Variants in RORB observed in about 807,000 individuals in gnomAD.
The protein encoded by RORB is nuclear receptor ROR-beta.
In RORB, 6 loss-of-function variants were observed where a neutral mutation model predicts 59.1. The ratio of observed to expected loss-of-function variants is 0.10; its 90% CI spans 0.06 to 0.20. The LOEUF is 0.20. Among genes scored for constraint, RORB ranks in the 10% least tolerant of loss-of-function variants. RORB has a pLI of 1.00. For synonymous variants in RORB, 215 were observed against 204.5 expected (o/e 1.05, Z -0.44); for missense variants, 320 against 560.5 (o/e 0.57, Z 4.33).
Position 74,510,156 on chromosome 9 carries a change from T to C in RORB, c.7+12173T>C, listed in dbSNP as rs190080243. Among the ~76,000 whole-genome samples the C allele has an allele frequency of 4.1e-3, 623 of 152,222 alleles. 2 individuals carry two copies. Among genetic ancestry groups the C allele is most frequent in the Admixed American group, 6.7e-3 (102 of 15,274 alleles). Reference sequence around the variant, plus strand: ...CTTCATTTATTCTGCAGGACTCCAATTGATCGTATTATAGAATGGTCCTGA... The same window carrying C: ...CTTCATTTATTCTGCAGGACTCCAACTGATCGTATTATAGAATGGTCCTGA... On this transcript the variant is annotated intron_variant, in intron 1 of 9. Coordinates refer to ENST00000376896, the MANE Select transcript of RORB (RefSeq NM_006914.4).
rs533570655 is a variant in RORB, at chr9:74,608,541, G to T, written c.8-21741G>T. On this transcript the variant is annotated intron_variant, in intron 1 of 9. Transcript: ENST00000376896. ...ATCGCGCCACTGCACTCCAGCCTGG[G>T]CAACAGAGTGAGACTCCGTCTCAAA... is the stretch of plus-strand genomic sequence containing the variant. Among the ~76,000 whole-genome samples the T allele has an allele frequency of 3.9e-4, 54 of 137,562 alleles. 1 individual carries two copies. Among genetic ancestry groups the T allele is most frequent in the African/African-American group, 1.4e-3 (51 of 36,912 alleles). The allele number at this position is 137,562 out of a possible 152,430, so 90.2% of individuals were successfully genotyped here. A position where few individuals can be genotyped will look rare whatever the true frequency, so the allele number is the denominator to read the frequency against.
intron 1 of RORB, among the ~76,000 whole-genome samples, chr9:74,619,860 C>T (rs1823381231): frequency 6.6e-6 from 1 of 152,162 alleles, no homozygotes; most frequent in South Asian, 2.1e-4. Flanking sequence ...TTTGTGTATG[C>T]TGAACCAGCC....
At chr9:74,558,612 G>A (rs1206853014) in intron 1 of RORB, among the ~76,000 whole-genome samples, 4 of 152,052 alleles carry the variant, frequency 2.6e-5, no homozygotes, top group Non-Finnish European at 5.9e-5. Context: ...AGAATTTCCA[G>A]TGTATTTAGA....
At chr9:74,576,079 G>T (rs866438443) in intron 1 of RORB, among the ~76,000 whole-genome samples, 2 of 152,072 alleles carry the variant, frequency 1.3e-5, no homozygotes, top group African/African-American at 4.8e-5. Context: ...AAACAGCCTC[G>T]CTGTTTGTGG....
intron 1 of RORB, among the ~76,000 whole-genome samples, chr9:74,552,212 A>C (rs1312069551): frequency 6.6e-6 from 1 of 152,208 alleles, no homozygotes; most frequent in Non-Finnish European, 1.5e-5. Context: ...GGCTGATTCT[A>C]AGGTAATGAG....
chr9:74,639,509 GT>G (rs1333130952), intron 3 of RORB, among the ~76,000 whole-genome samples: 1 of 150,712 alleles, frequency 6.6e-6, no homozygotes, highest in African/African-American at 2.4e-5. Context: ...ATGGAAAAGG[GT>G]TTTAAAAAAA....
At chr9:74,559,145 C>T (rs1046731420) in intron 1 of RORB, among the ~76,000 whole-genome samples, 1 of 152,166 alleles carries the variant, frequency 6.6e-6, no homozygotes, top group Non-Finnish European at 1.5e-5. Flanking sequence ...GGGCAAGAGG[C>T]AAAATATATA....
At chr9:74,512,829 C>T (rs1825960217) in intron 1 of RORB, among the ~76,000 whole-genome samples, 2 of 152,114 alleles carry the variant, frequency 1.3e-5, no homozygotes, top group African/African-American at 4.8e-5. Flanking sequence ...CATTTCCACT[C>T]CACAAAGAAA....
intron 7 of RORB, among the ~76,000 whole-genome samples, chr9:74,667,189 C>G (rs564020516): frequency 1.3e-5 from 2 of 152,300 alleles, no homozygotes; most frequent in South Asian, 2.1e-4. Flanking sequence ...TACGCAACAG[C>G]TAAGCAACTG....
rs540433689 is a variant in RORB, at chr9:74,656,660, C to T, written c.638-3957C>T. Among the ~76,000 whole-genome samples the T allele has an allele frequency of 6.0e-3, 918 of 152,224 alleles. 12 individuals are homozygous for T. Among genetic ancestry groups the T allele is most frequent in the African/African-American group, 0.021 (880 of 41,540 alleles). ...CTGAGGCAGGAGAATCACTTCAATCCGAGAAGTGGAGGTTGCAGTGAGCTG... is the reference window on the plus strand; with the variant it reads ...CTGAGGCAGGAGAATCACTTCAATCTGAGAAGTGGAGGTTGCAGTGAGCTG... On this transcript the variant is annotated intron_variant, in intron 4 of 9. Transcript: ENST00000376896.
At chr9:74,518,942 A>T (rs936056728) in intron 1 of RORB, among the ~76,000 whole-genome samples, 50 of 152,014 alleles carry the variant, frequency 3.3e-4, no homozygotes, top group Non-Finnish European at 5.9e-4. Flanking sequence ...ATCTTACAAT[A>T]CACCAAGAAT....
intron 9 of RORB, among the ~76,000 whole-genome samples, chr9:74,685,243 T>G (rs1309046566): frequency 6.6e-6 from 1 of 150,846 alleles, no homozygotes; most frequent in Non-Finnish European, 1.5e-5. Flanking sequence ...CCTGCTTGCT[T>G]TATTTTTCCT....
chr9:74,667,915 A>C lies in RORB; in HGVS notation c.1111+14A>C. On this transcript the variant is annotated intron_variant, in intron 8 of 9. Coordinates refer to ENST00000376896, the MANE Select transcript of RORB (RefSeq NM_006914.4). ...TGATATCTCCAGGTAGGGCAGTCTC[A>C]GTTCTCTTACCTTTTTAAAAAACTT... 6.7e-7 allele frequency: 1 copy of C among 1,498,406 alleles called. No homozygotes were observed. The highest frequency in any genetic ancestry group is 9.3e-7 in the Non-Finnish European group (1 of 1,074,234). The allele number at this position is 1,498,406 out of a possible 1,614,324, so 92.8% of individuals were successfully genotyped here. A position where few individuals can be genotyped will look rare whatever the true frequency, so the allele number is the denominator to read the frequency against.
At chr9:74,621,789 C>T in intron 1 of RORB, among the ~76,000 whole-genome samples, 1 of 152,188 alleles carries the variant, frequency 6.6e-6, no homozygotes, top group East Asian at 1.9e-4. Context: ...AGTGGCACCT[C>T]ATTGCTTTTA....
chr9:74,550,075 G>A (rs1202461671), intron 1 of RORB, among the ~76,000 whole-genome samples: 2 of 151,986 alleles, frequency 1.3e-5, no homozygotes, highest in African/African-American at 4.8e-5. Flanking sequence ...CTAAGCAATT[G>A]CATCAATTTA....
chr9:74,610,694 C>T (rs1823221104), intron 1 of RORB, among the ~76,000 whole-genome samples: 1 of 152,194 alleles, frequency 6.6e-6, no homozygotes, highest in Non-Finnish European at 1.5e-5. Flanking sequence ...CCAGACTACA[C>T]AGTTAGTGAG....
chr9:74,614,983 G>T (rs902163886), intron 1 of RORB, among the ~76,000 whole-genome samples: 2 of 152,128 alleles, frequency 1.3e-5, no homozygotes, highest in African/African-American at 4.8e-5. Context: ...TCTCTACACT[G>T]GTGCTCAGGC....
At chr9:74,675,081 C>T (rs1412235051) in intron 9 of RORB, among the ~76,000 whole-genome samples, 1 of 151,872 alleles carries the variant, frequency 6.6e-6, no homozygotes, top group Non-Finnish European at 1.5e-5. Flanking sequence ...TAAGAGATGG[C>T]GTATTTGAGC....
At chr9:74,635,195 C>T (rs1355166169) in intron 3 of RORB, among the ~76,000 whole-genome samples, 1 of 152,120 alleles carries the variant, frequency 6.6e-6, no homozygotes, top group Admixed American at 6.6e-5. Flanking sequence ...TGTGGAGACA[C>T]TAAGGAATTG....
Sources: gnomAD v4.1 joint callset for allele counts (sites outside exome capture counted in the v4.1 genomes callset) on GRCh38, gnomAD v4.1.1 for gene constraint, MANE v1.5 for transcripts, NCBI Gene and HGNC (gene_info 2026-07-23, HGNC 2026-07-21) for gene names.